Variants in KIAA1671 observed in about 807,000 individuals in gnomAD.
KIAA1671 encodes KIAA1671, also known as uncharacterized protein KIAA1671.
Under a neutral mutation model 131.2 loss-of-function variants are expected in KIAA1671, and 52 were observed. The observed-to-expected ratio is 0.40, with a 90% CI of 0.32 to 0.50. KIAA1671 has a LOEUF of 0.50. Among genes scored for constraint, KIAA1671 ranks in the 20% least tolerant of loss-of-function variants. The pLI, the probability that KIAA1671 is intolerant of heterozygous loss-of-function variation, is 0.73. For missense variants in KIAA1671, 2,360 were observed against 2,364.2 expected, an observed-to-expected ratio of 1.00 and a Z score of 0.04; for synonymous variants, 1,003 against 961.6, an observed-to-expected ratio of 1.04 and a Z score of -0.80.
At chr22:24,956,694 G>A (rs574186119) in intron 1 of KIAA1671, among the ~76,000 whole-genome samples, 5 of 152,022 alleles carry the variant, frequency 3.3e-5, no homozygotes, top group Admixed American at 2.0e-4. Context: ...GTGAAACCCC[G>A]TGTCTACTAA....
intron 11 of KIAA1671, among the ~76,000 whole-genome samples, chr22:25,186,945 C>T (rs948758331): frequency 1.3e-5 from 2 of 152,224 alleles, no homozygotes; most frequent in South Asian, 2.1e-4. Context: ...CTCAGAGGCA[C>T]CTCTGGAGGC....
chr22:25,146,648 G>T (rs1477426372), intron 6 of KIAA1671, among the ~76,000 whole-genome samples: 1 of 152,140 alleles, frequency 6.6e-6, no homozygotes, highest in African/African-American at 2.4e-5. Flanking sequence ...TTGAACTTCA[G>T]TTTCCCCATC....
intron 1 of KIAA1671, among the ~76,000 whole-genome samples, chr22:24,979,940 G>A (rs1192175216): frequency 6.6e-6 from 1 of 151,260 alleles, no homozygotes; most frequent in Admixed American, 6.6e-5. Context: ...GTTCACCTGT[G>A]TTGTAGCATG....
In KIAA1671 at chr22:25,028,656, A is replaced by T. The variant is rs2145787514; in HGVS notation, c.657A>T (p.Ser219=). 9 of 1,550,920 alleles carry T rather than the reference A, an allele frequency of 5.8e-6. No individual in the cohort carries two copies. Among genetic ancestry groups the T allele is most frequent in the Admixed American group, 2.0e-5 (1 of 50,988 alleles). The change falls in exon 3 of 13, where the codon TCA becomes TCT. Residue 219 remains serine (S), a synonymous_variant. Coordinates refer to ENST00000358431, the MANE Select transcript of KIAA1671 (RefSeq NM_001145206.2). ...AGGCAGGCCAAGACCATCCTCCCTCAAAGGCCAGCAGTGTGGAGGACACGG... is the reference window on the plus strand; with the variant it reads ...AGGCAGGCCAAGACCATCCTCCCTCTAAGGCCAGCAGTGTGGAGGACACGG... The part of the protein sequence containing the change: ...QEEAGQDHPP[S]KASSVEDTAR...
At chr22:25,167,331 A>G (rs955616506) in intron 6 of KIAA1671, among the ~76,000 whole-genome samples, 1 of 152,180 alleles carries the variant, frequency 6.6e-6, no homozygotes, top group Admixed American at 6.5e-5. Flanking sequence ...TATACCTAGT[A>G]ATTTCTCTTA....
intron 11 of KIAA1671, among the ~76,000 whole-genome samples, chr22:25,188,447 GGTGTGTGTGTGTGTGT>G (rs59590267): frequency 4.7e-4 from 65 of 137,968 alleles, no homozygotes; most frequent in African/African-American, 1.2e-3. Flanking sequence ...GAGCCAATCG[GGTGTGTGTGTGTGTGT>G]GTGTGTGTGT....
intron 6 of KIAA1671, among the ~76,000 whole-genome samples, chr22:25,137,185 A>G (rs1932714384): frequency 6.6e-6 from 1 of 152,220 alleles, no homozygotes; most frequent in Admixed American, 6.5e-5. Context: ...GATGTCTGCC[A>G]TGGGCAAGGG....
chr22:25,051,718 G>T (rs1034225027), intron 6 of KIAA1671: 6 of 152,222 alleles, frequency 3.9e-5, no homozygotes, highest in Non-Finnish European at 2.9e-5. Context: ...GCAGAGGAGG[G>T]CTGGGGTCCT....
chr22:25,139,089 G>A (rs538369064), intron 6 of KIAA1671, among the ~76,000 whole-genome samples: 376 of 152,344 alleles, frequency 2.5e-3, no homozygotes, highest in Non-Finnish European at 3.9e-3. Flanking sequence ...TGGCTTTTAG[G>A]CAATGTTGTA....
At chr22:25,105,824 G>T (rs538335085) in intron 6 of KIAA1671, among the ~76,000 whole-genome samples, 3 of 152,058 alleles carry the variant, frequency 2.0e-5, no homozygotes, top group South Asian at 2.1e-4. Flanking sequence ...GAAGTTGGGG[G>T]GGGGGGGTGC....
intron 1 of KIAA1671, among the ~76,000 whole-genome samples, chr22:24,973,354 C>T (rs1922729257): frequency 6.7e-6 from 1 of 149,216 alleles, no homozygotes; most frequent in East Asian, 1.9e-4. Context: ...CCTGCTCTCG[C>T]TCCTCTCAGT....
At position 25,039,380 on chromosome 22, in the gene KIAA1671, G is replaced by A. The variant is rs1041638333; in HGVS notation, c.2250G>A (p.Pro750=). 2.2e-5 allele frequency: 34 copies of A among 1,551,820 alleles called. No homozygotes were observed. In the Admixed American group the frequency reaches 3.5e-4, roughly 16 times the overall value. The part of the protein sequence containing the change: ...GERVHSEAIS[P]APEEKAVTLR... ...GTGTGCACAGCGAGGCCATCTCACC[G>A]GCACCGGAGGAGAAAGCGGTCACGC... The change falls in exon 5 of 13, where the codon CCG becomes CCA. Residue 750 remains proline, a synonymous_variant. Transcript: ENST00000358431.
intron 6 of KIAA1671, 45 bp downstream of exon 6, chr22:25,049,409 G>A: frequency 6.5e-7 from 1 of 1,530,794 alleles, no homozygotes; most frequent in South Asian, 1.2e-5. Context: ...AGGGGTGCTG[G>A]TTGCTGGACA....
At chr22:25,119,011 C>G (rs1303269230) in intron 6 of KIAA1671, among the ~76,000 whole-genome samples, 1 of 152,214 alleles carries the variant, frequency 6.6e-6, no homozygotes, top group Non-Finnish European at 1.5e-5. Context: ...CTATCTCATT[C>G]TATACTTATT....
intron 6 of KIAA1671, among the ~76,000 whole-genome samples, chr22:25,093,813 TCTCTCTCTCTTTCTCTCTCTGTCTGTCTC>T (rs1930233798): frequency 1.0e-5 from 1 of 98,176 alleles, no homozygotes; most frequent in African/African-American, 4.1e-5. Flanking sequence ...TCTCTCTCTG[TCTCTCTCTCTTTCTCTCTCTGTCTGTCTC>T]TCTCTCTCTC....
rs558835273 is a variant in KIAA1671 at position 25,149,751 on chromosome 22, A to G, written c.4531-21069A>G. Among the ~76,000 whole-genome samples, 3 of 151,998 alleles carry G rather than the reference A, an allele frequency of 2.0e-5. No homozygotes were observed. The South Asian group carries it at 6.4e-4, about 32-fold the overall frequency. ...TCTCTTGCCCTCTCCAGCCCATCCT[A>G]CGTACAGCAGGTAGAGTGTTAATCT... On this transcript the variant is annotated intron_variant, in intron 6 of 12. Transcript: ENST00000358431.
chr22:25,065,654 T>A (rs935018251), intron 6 of KIAA1671, among the ~76,000 whole-genome samples: 5 of 151,606 alleles, frequency 3.3e-5, no homozygotes, highest in African/African-American at 1.2e-4. Context: ...ATTATTTTTT[T>A]TTTTTTGAGA....
At chr22:25,102,820 G>C (rs1888162220) in intron 6 of KIAA1671, 1 of 152,508 alleles carries the variant, frequency 6.6e-6, no homozygotes, top group Admixed American at 6.6e-5. Flanking sequence ...GAAGGGGGTG[G>C]GCCTCATACA....
chr22:25,110,804 A>C (rs895674201), intron 6 of KIAA1671, among the ~76,000 whole-genome samples: 4 of 152,154 alleles, frequency 2.6e-5, no homozygotes, highest in African/African-American at 9.7e-5. Context: ...CACGTGACCT[A>C]GTGTAAACCA....
Sources: allele counts gnomAD v4.1 joint callset (sites outside exome capture counted in the v4.1 genomes callset), GRCh38; gene constraint gnomAD v4.1.1; transcripts MANE v1.5; gene names NCBI Gene and HGNC (gene_info 2026-07-23, HGNC 2026-07-21).